Variants in SLC5A11 observed in about 807,000 individuals in gnomAD.
SLC5A11 encodes sodium/myo-inositol cotransporter 2.
SLC5A11 carries 48 observed loss-of-function variants against 69.8 expected under a neutral mutation model. That is an observed-to-expected ratio of 0.69 (90% CI 0.55 to 0.87). SLC5A11 has a LOEUF of 0.87. Ranked by LOEUF, SLC5A11 falls within the 40% of genes least tolerant of loss-of-function variation. The pLI is 0.00. For synonymous variants in SLC5A11, 319 were observed against 342.4 expected (o/e 0.93, Z 0.75); for missense variants, 784 against 866.1 (o/e 0.91, Z 1.19).
chr16:24,857,022 G>A (rs773050247), intron 1 of SLC5A11, among the ~76,000 whole-genome samples: 9 of 152,056 alleles, frequency 5.9e-5, no homozygotes, highest in South Asian at 2.1e-4. Flanking sequence ...GGTCCACCAC[G>A]TTGCCCAGGT....
chr16:24,864,710 A>T (rs2046811315), intron 3 of SLC5A11, among the ~76,000 whole-genome samples: 1 of 152,204 alleles, frequency 6.6e-6, no homozygotes, highest in Non-Finnish European at 1.5e-5. Flanking sequence ...CAGCAATTTT[A>T]ACTATATCCA....
At chr16:24,886,308 T>C (rs942330108) in intron 8 of SLC5A11, among the ~76,000 whole-genome samples, 19 of 152,042 alleles carry the variant, frequency 1.2e-4, no homozygotes, top group East Asian at 1.9e-4. Context: ...GCTGGGATTA[T>C]AGGCATGAGC....
chr16:24,867,912 G>C (rs1023982983), intron 3 of SLC5A11, among the ~76,000 whole-genome samples: 1 of 151,370 alleles, frequency 6.6e-6, no homozygotes, highest in African/African-American at 2.4e-5. Flanking sequence ...TGAAGAGGGC[G>C]AATCACCTGA....
At chr16:24,865,930 G>T (rs1253246913) in intron 3 of SLC5A11, among the ~76,000 whole-genome samples, 3 of 151,414 alleles carry the variant, frequency 2.0e-5, no homozygotes, top group Non-Finnish European at 4.4e-5. Flanking sequence ...TAATTTAAAA[G>T]ACAGTTGCAT....
intron 7 of SLC5A11, among the ~76,000 whole-genome samples, chr16:24,883,045 A>G (rs552864141): frequency 3.9e-5 from 6 of 152,024 alleles, no homozygotes; most frequent in African/African-American, 1.2e-4. Context: ...AATACCTAAT[A>G]CTCACATCCT....
At chr16:24,898,678 C>A (rs560436899) in intron 10 of SLC5A11, among the ~76,000 whole-genome samples, 1 of 152,096 alleles carries the variant, frequency 6.6e-6, no homozygotes, top group African/African-American at 2.4e-5. Context: ...GTCACCATGC[C>A]CAGCTAATTT....
chr16:24,899,088 G>T (rs1274650683), intron 10 of SLC5A11, among the ~76,000 whole-genome samples: 2 of 152,110 alleles, frequency 1.3e-5, no homozygotes, highest in Admixed American at 6.6e-5. Context: ...TAAATTCTGG[G>T]ATTACAGGCA....
At chr16:24,857,721 C>A (rs1277610340) in intron 1 of SLC5A11, among the ~76,000 whole-genome samples, 1 of 152,194 alleles carries the variant, frequency 6.6e-6, no homozygotes, top group African/African-American at 2.4e-5. Flanking sequence ...TTAATCCAGG[C>A]ATCTCCCTAT....
At chr16:24,907,137 G>A (rs1484043654) in exon 12 of SLC5A11, 2 of 1,614,000 alleles carry the variant, frequency 1.2e-6, no homozygotes, top group Non-Finnish European at 8.5e-7. Context: ...ATCACCTCCG[G>A]CCTCGGGCAT....
At position 24,888,783 on chromosome 16, in the gene SLC5A11, C is replaced by CTTTTTTT. The variant is rs1169015317; in HGVS notation, c.665-2063_665-2057dup. On this transcript the variant is annotated intron_variant, in intron 8 of 15. Coordinates refer to ENST00000347898, the Ensembl canonical transcript of SLC5A11. The stretch of plus-strand genomic sequence containing the variant: ...ACAGGTGTGAGCCACCGTGCCTGTC[C>CTTTTTTT]TTTTTTTTTTTTTTTTTTTTTTTTT... Among the ~76,000 whole-genome samples the CTTTTTTT allele has an allele frequency of 2.2e-4, 10 of 45,756 alleles. 2 individuals are homozygous for CTTTTTTT. Among genetic ancestry groups the CTTTTTTT allele is most frequent in the Non-Finnish European group, 3.2e-4 (7 of 22,158 alleles). 30.0% of individuals were successfully genotyped at this position (45,756 alleles called of 152,430 possible).
rs75947620 is a variant in SLC5A11, at chr16:24,883,652, C to G, written c.584-399C>G. On this transcript the variant is annotated intron_variant, in intron 7 of 15. Coordinates refer to ENST00000347898, the Ensembl canonical transcript of SLC5A11. ...CATGGCTGGTGTTAGCTTGGGCTGTCGACTGGGCTTCCCCTCCGTGGGGGC... is the reference window on the plus strand; with the variant it reads ...CATGGCTGGTGTTAGCTTGGGCTGTGGACTGGGCTTCCCCTCCGTGGGGGC... Among the ~76,000 whole-genome samples the G allele has an allele frequency of 8.3e-3, 1,263 of 152,284 alleles. 21 individuals are homozygous for G. Among genetic ancestry groups the G allele is most frequent in the African/African-American group, 0.029 (1,205 of 41,558 alleles).
intron 3 of SLC5A11, among the ~76,000 whole-genome samples, chr16:24,866,243 A>G (rs2152282873): frequency 6.6e-6 from 1 of 151,722 alleles, no homozygotes; most frequent in South Asian, 2.1e-4. Context: ...AAGGCAGAGA[A>G]TGGATTTTTT....
chr16:24,897,006 G>A (rs898169752), intron 9 of SLC5A11, among the ~76,000 whole-genome samples: 1 of 133,922 alleles, frequency 7.5e-6, no homozygotes, highest in Non-Finnish European at 1.5e-5. Context: ...AGGCTGAAGT[G>A]CAGTGGTGCG....
At chr16:24,905,269 CAAAAAAA>C (rs34703027) in intron 10 of SLC5A11, among the ~76,000 whole-genome samples, 12 of 80,410 alleles carry the variant, frequency 1.5e-4, no homozygotes, top group African/African-American at 5.6e-4. Flanking sequence ...ACTAAAAATA[CAAAAAAA>C]AAAAAAAAAA....
At chr16:24,861,008 G>T (rs1012946192) in intron 2 of SLC5A11, among the ~76,000 whole-genome samples, 2 of 151,590 alleles carry the variant, frequency 1.3e-5, no homozygotes, top group Non-Finnish European at 2.9e-5. Flanking sequence ...CACCCAGCCA[G>T]TATTGTTAAT....
intron 3 of SLC5A11, among the ~76,000 whole-genome samples, chr16:24,869,352 A>C (rs2047129696): frequency 6.6e-6 from 1 of 152,168 alleles, no homozygotes; most frequent in South Asian, 2.1e-4. Context: ...CCCAGGAAAG[A>C]GAATATAATT....
At chr16:24,855,977 G>A (rs534605821) in intron 1 of SLC5A11, among the ~76,000 whole-genome samples, 42 of 152,264 alleles carry the variant, frequency 2.8e-4, no homozygotes, top group African/African-American at 9.4e-4. Flanking sequence ...CTCCCTGCCC[G>A]CGTTCTTGCT....
intron 10 of SLC5A11, 82 bp from the exon 12 acceptor site, chr16:24,906,575 G>A (rs921917637): frequency 2.2e-5 from 17 of 761,582 alleles, no homozygotes; most frequent in Admixed American, 2.6e-5. Context: ...CATATGATAA[G>A]CCTGTGTCCG....
chr16:24,911,186 A>AC, intron 15 of SLC5A11, 142 bp from the exon 17 acceptor site: 1 of 677,196 alleles, frequency 1.5e-6, no homozygotes, highest in Non-Finnish European at 2.5e-6. Context: ...AAAAAAAAAA[A>AC]GGGAGATTTC....
Sources: gnomAD v4.1 joint callset for allele counts (sites outside exome capture counted in the v4.1 genomes callset) on GRCh38, gnomAD v4.1.1 for gene constraint, MANE v1.5 for transcripts, NCBI Gene and HGNC (gene_info 2026-07-23, HGNC 2026-07-21) for gene names.